The following TNPO3 variants were observed in gnomAD, a reference collection of about 807,000 sequenced individuals.
The protein encoded by TNPO3 is transportin-3.
In TNPO3, 65 loss-of-function variants were observed where a neutral mutation model predicts 122.8. That is an observed-to-expected ratio of 0.53 (90% CI 0.43 to 0.65). TNPO3 has a LOEUF of 0.65. TNPO3 is among the 30% of genes least tolerant of loss of function. The pLI is 0.00. For missense variants in TNPO3, 850 were observed against 1,136.7 expected, an observed-to-expected ratio of 0.75 and a Z score of 3.63; for synonymous variants, 372 against 411.2, an observed-to-expected ratio of 0.90 and a Z score of 1.15.
At chr7:129,043,636 C>T (rs1807672488) in intron 1 of TNPO3, among the ~76,000 whole-genome samples, 1 of 152,090 alleles carries the variant, frequency 6.6e-6, no homozygotes, top group Non-Finnish European at 1.5e-5. Flanking sequence ...TTTTTCATGA[C>T]AAGAATCCCT....
chr7:129,024,186 A>G (rs1804849104), intron 1 of TNPO3, among the ~76,000 whole-genome samples: 1 of 152,240 alleles, frequency 6.6e-6, no homozygotes, highest in South Asian at 2.1e-4. Context: ...CTCTGAGGAA[A>G]GCCACTGCCT....
Position 128,957,312 on chromosome 7 carries a change from A to G in TNPO3, c.2715T>C (p.Ala905=), listed in dbSNP as rs1563083779. The G allele has an allele frequency of 6.2e-7, 1 of 1,614,180 alleles. No homozygotes were observed. ...LTDFHKQVTS[A]EECKQVCWAL... The stretch of plus-strand genomic sequence containing the variant: ...CCCAGCAAACTTGTTTACATTCCTC[A>G]GCACTAGAAAAGAAAAGGTAGGTTG... Residue 905 remains alanine (A), a synonymous_variant, in exon 22 of 23, where the codon GCT becomes GCC. Transcript: ENST00000265388.
At chr7:128,993,734 T>G (rs1225927302) in intron 9 of TNPO3, 73 bp downstream of exon 9, 11 of 1,309,122 alleles carry the variant, frequency 8.4e-6, no homozygotes, top group Non-Finnish European at 1.2e-5. Context: ...AGATGGAACA[T>G]TCACAGAAGA....
intron 20 of TNPO3, among the ~76,000 whole-genome samples, chr7:128,967,659 A>G (rs563643043): frequency 3.3e-5 from 5 of 152,194 alleles, no homozygotes; most frequent in Non-Finnish European, 7.3e-5. Flanking sequence ...TTAGAAGTGA[A>G]GTTTCTTCGG....
At chr7:129,048,032 G>A (rs1808259717) in intron 1 of TNPO3, among the ~76,000 whole-genome samples, 1 of 152,080 alleles carries the variant, frequency 6.6e-6, no homozygotes, top group Non-Finnish European at 1.5e-5. Flanking sequence ...ACCAGCCTGG[G>A]CAACATGGCA....
At chr7:128,988,125 C>T (rs1210140135) in intron 11 of TNPO3, among the ~76,000 whole-genome samples, 2 of 152,016 alleles carry the variant, frequency 1.3e-5, no homozygotes, top group Non-Finnish European at 2.9e-5. Flanking sequence ...CAGGCATGCG[C>T]CACCAAGCCC....
chr7:128,972,272 T>C lies in TNPO3; in HGVS notation c.2430+154A>G, dbSNP rs10276681. On this transcript the variant is annotated intron_variant, in intron 19 of 22. Coordinates refer to ENST00000265388, the MANE Select transcript of TNPO3 (RefSeq NM_012470.4). ...AAAGCACCCAGCACAAGTGTCTTAGTTGATATTTTGGCTAGTGAATGATCC... is the reference window on the plus strand; with the variant it reads ...AAAGCACCCAGCACAAGTGTCTTAGCTGATATTTTGGCTAGTGAATGATCC... 0.01 allele frequency among the ~76,000 whole-genome samples: 1,568 copies of C among 152,336 alleles called. 20 individuals are homozygous for C. The highest frequency in any genetic ancestry group is 0.035 in the African/African-American group (1,462 of 41,568).
intron 4 of TNPO3, among the ~76,000 whole-genome samples, chr7:129,006,422 C>A (rs1802577972): frequency 6.6e-6 from 1 of 152,124 alleles, no homozygotes; most frequent in South Asian, 2.1e-4. Flanking sequence ...TGTCATCCCA[C>A]AGAAAGTGAT....
chr7:128,993,932 A>C lies in TNPO3; in HGVS notation c.1159-18T>G, dbSNP rs1159660166. 1 of 1,607,580 alleles carries C rather than the reference A, an allele frequency of 6.2e-7. No homozygotes were observed. Among genetic ancestry groups the C allele is most frequent in the Admixed American group, 1.7e-5 (1 of 59,720 alleles). On this transcript the variant is annotated intron_variant, in intron 8 of 22. Coordinates refer to ENST00000265388, the MANE Select transcript of TNPO3 (RefSeq NM_012470.4). Reference sequence around the variant, plus strand: ...ACCCCCTCCTAAAATATCAAATCAGATAACATCTGCTTTAAACTCACTGCG... The same window carrying C: ...ACCCCCTCCTAAAATATCAAATCAGCTAACATCTGCTTTAAACTCACTGCG...
At chr7:128,985,860 A>G (rs17339221) in intron 12 of TNPO3, among the ~76,000 whole-genome samples, 16,483 of 152,274 alleles carry the variant, frequency 0.11, 1,174 homozygotes, top group Non-Finnish European at 0.16. Context: ...TATGAATAAC[A>G]AAGGACAGAA....
chr7:129,026,232 A>G (rs1805151155), intron 1 of TNPO3, among the ~76,000 whole-genome samples: 1 of 152,128 alleles, frequency 6.6e-6, no homozygotes. Context: ...TATCTCCTTA[A>G]AAGTAGAGAC....
At chr7:128,975,471 C>G (rs1798957234) in intron 17 of TNPO3, among the ~76,000 whole-genome samples, 1 of 152,142 alleles carries the variant, frequency 6.6e-6, no homozygotes, top group Non-Finnish European at 1.5e-5. Context: ...GCTAAGTAAA[C>G]TAGTCAGTTG....
At chr7:129,022,495 T>C (rs1584578497) in intron 1 of TNPO3, among the ~76,000 whole-genome samples, 1 of 148,824 alleles carries the variant, frequency 6.7e-6, no homozygotes, top group African/African-American at 2.5e-5. Context: ...TTCTGAAATG[T>C]TGGGGGGTAG....
chr7:128,968,050 A>T lies in TNPO3; in HGVS notation c.2599-658T>A, dbSNP rs115734889. The stretch of plus-strand genomic sequence containing the variant: ...GTAAGCACTTGACCAGTATATTTTT[A>T]AAATTAAACAGATTTCCAAAAACTC... On this transcript the variant is annotated intron_variant, in intron 20 of 22. Transcript: ENST00000265388. 9.4e-3 allele frequency among the ~76,000 whole-genome samples: 1,434 copies of T among 152,314 alleles called. 31 individuals are homozygous for T. Among genetic ancestry groups the T allele is most frequent in the African/African-American group, 0.03 (1,227 of 41,560 alleles).
intron 7 of TNPO3, among the ~76,000 whole-genome samples, chr7:128,999,552 A>G (rs1801696938): frequency 6.6e-6 from 1 of 151,994 alleles, no homozygotes; most frequent in Admixed American, 6.6e-5. Flanking sequence ...TCCTTTTCCC[A>G]TCAAGGATCC....
intron 1 of TNPO3, among the ~76,000 whole-genome samples, chr7:129,036,229 A>G (rs1806657561): frequency 6.6e-6 from 1 of 152,056 alleles, no homozygotes; most frequent in Non-Finnish European, 1.5e-5. Flanking sequence ...CTGGGATTAT[A>G]GGCGTTAGCC....
intron 1 of TNPO3, among the ~76,000 whole-genome samples, chr7:129,047,253 T>C (rs532678556): frequency 4.2e-4 from 64 of 152,330 alleles, no homozygotes; most frequent in African/African-American, 1.2e-3. Context: ...TACTTACAAC[T>C]TAAATTAAAA....
intron 1 of TNPO3, among the ~76,000 whole-genome samples, chr7:129,022,444 CAG>C (rs1804629759): frequency 6.7e-6 from 1 of 149,824 alleles, no homozygotes; most frequent in African/African-American, 2.5e-5. Flanking sequence ...GCCTGGGTGA[CAG>C]AGCAAGACCC....
intron 13 of TNPO3, 92 bp downstream of exon 13, chr7:128,984,076 G>T: frequency 4.1e-6 from 3 of 723,890 alleles, no homozygotes; most frequent in Non-Finnish European, 6.2e-6. Flanking sequence ...TTTCTAGGTA[G>T]ACAAAAGATC....
Sources: allele counts gnomAD v4.1 joint callset (sites outside exome capture counted in the v4.1 genomes callset), GRCh38; gene constraint gnomAD v4.1.1; transcripts MANE v1.5; gene names NCBI Gene and HGNC (gene_info 2026-07-23, HGNC 2026-07-21).